COL25A1: variants seen among roughly 807,000 people sequenced by gnomAD.
COL25A1 encodes the protein collagen type XXV alpha 1 chain, also known as collagen alpha-1(XXV) chain.
Under a neutral mutation model 128.4 loss-of-function variants are expected in COL25A1, and 103 were observed. The ratio of observed to expected loss-of-function variants is 0.80; its 90% CI spans 0.68 to 0.94. COL25A1 has a LOEUF of 0.94. Among genes scored for constraint, COL25A1 ranks in the 40% least tolerant of loss-of-function variants. The pLI is 0.00. For missense variants in COL25A1, 745 were observed against 840.0 expected, an observed-to-expected ratio of 0.89 and a Z score of 1.40; for synonymous variants, 279 against 277.2, an observed-to-expected ratio of 1.01 and a Z score of -0.06.
intron 3 of COL25A1, among the ~76,000 whole-genome samples, chr4:109,256,463 G>C (rs17040201): frequency 6.6e-6 from 1 of 152,020 alleles, no homozygotes; most frequent in Admixed American, 6.5e-5. Flanking sequence ...TATCTGAGGG[G>C]TAACTGAATT....
chr4:109,048,271 G>T, intron 4 of COL25A1, 96 bp from the exon 5 acceptor site: 1 of 1,205,514 alleles, frequency 8.3e-7, no homozygotes, highest in Non-Finnish European at 1.2e-6. Flanking sequence ...ATAATCATCA[G>T]CATGACATAA....
intron 3 of COL25A1, among the ~76,000 whole-genome samples, chr4:109,290,910 T>G (rs1456921938): frequency 6.6e-6 from 1 of 152,178 alleles, no homozygotes; most frequent in Non-Finnish European, 1.5e-5. Flanking sequence ...CCTTTCTTAC[T>G]TGTTCAACTT....
intron 13 of COL25A1, among the ~76,000 whole-genome samples, chr4:108,901,458 T>C (rs914520661): frequency 1.5e-4 from 23 of 152,178 alleles, no homozygotes; most frequent in Middle Eastern, 3.4e-3. Flanking sequence ...ATTGTGAACA[T>C]CAAATAAATA....
chr4:109,264,603 G>A (rs963255189), intron 3 of COL25A1, among the ~76,000 whole-genome samples: 3 of 152,212 alleles, frequency 2.0e-5, no homozygotes, highest in Non-Finnish European at 4.4e-5. Context: ...TGGTGTGAAC[G>A]ATGAGCATCA....
At chr4:109,066,173 C>G (rs928525231) in intron 3 of COL25A1, among the ~76,000 whole-genome samples, 3 of 152,058 alleles carry the variant, frequency 2.0e-5, no homozygotes, top group African/African-American at 7.2e-5. Flanking sequence ...AAATGATTAC[C>G]CTAAATCCAG....
At chr4:109,277,822 T>C (rs1304114834) in intron 3 of COL25A1, among the ~76,000 whole-genome samples, 1 of 152,152 alleles carries the variant, frequency 6.6e-6, no homozygotes, top group Non-Finnish European at 1.5e-5. Context: ...AATTTCCCAT[T>C]TCTAGAACTG....
chr4:108,895,501 G>A lies in COL25A1; in HGVS notation c.906+1166C>T, dbSNP rs1378887636. ...TATGAATCCAAGCAAAAGCTATCACGATAGACTGAGGAAAAATAAGAAGAG... is the reference window on the plus strand; with the variant it reads ...TATGAATCCAAGCAAAAGCTATCACAATAGACTGAGGAAAAATAAGAAGAG... On this transcript the variant is annotated intron_variant, in intron 16 of 37. Transcript: ENST00000399132. Among the ~76,000 whole-genome samples, 3 of 152,068 alleles carry A rather than the reference G, an allele frequency of 2.0e-5. No homozygotes were observed. The East Asian group carries it at 5.8e-4, about 29-fold the overall frequency.
intron 20 of COL25A1, 131 bp downstream of exon 20, chr4:108,868,955 AAG>A (rs1279052043): frequency 6.8e-6 from 4 of 588,612 alleles, no homozygotes; most frequent in Non-Finnish European, 1.2e-5. Flanking sequence ...AAAAGAAAGA[AAG>A]AAAAAGGAAA....
intron 16 of COL25A1, among the ~76,000 whole-genome samples, chr4:108,891,049 G>A (rs1169836870): frequency 6.6e-6 from 1 of 152,182 alleles, no homozygotes; most frequent in African/African-American, 2.4e-5. Flanking sequence ...CTGTTAGACA[G>A]TTAGCTACAT....
At chr4:109,158,330 T>C (rs1369418423) in intron 3 of COL25A1, among the ~76,000 whole-genome samples, 1 of 151,700 alleles carries the variant, frequency 6.6e-6, no homozygotes, top group Non-Finnish European at 1.5e-5. Flanking sequence ...AAAAAAAGAC[T>C]AAACATTTTC....
intron 3 of COL25A1, among the ~76,000 whole-genome samples, chr4:109,094,542 G>A (rs1398544299): frequency 3.3e-5 from 5 of 152,054 alleles, no homozygotes; most frequent in Admixed American, 6.6e-5. Context: ...CTTAGGAATC[G>A]TCTACCCCCT....
intron 31 of COL25A1, among the ~76,000 whole-genome samples, chr4:108,840,387 C>T (rs1018401962): frequency 1.3e-5 from 2 of 151,964 alleles, no homozygotes. Context: ...CCAGATAGTA[C>T]TCTTACCCCA....
chr4:109,050,725 C>T (rs983189280), intron 3 of COL25A1, among the ~76,000 whole-genome samples: 21 of 152,182 alleles, frequency 1.4e-4, no homozygotes, highest in Non-Finnish European at 2.8e-4. Flanking sequence ...TTTCACCGAT[C>T]AACAACCACC....
chr4:109,237,429 C>T (rs761133315), intron 3 of COL25A1, among the ~76,000 whole-genome samples: 2 of 151,804 alleles, frequency 1.3e-5, no homozygotes, highest in Non-Finnish European at 1.5e-5. Flanking sequence ...TTAGGGTCCA[C>T]CCAGATGGAA....
intron 3 of COL25A1, among the ~76,000 whole-genome samples, chr4:109,115,652 G>C (rs1767470826): frequency 6.6e-6 from 1 of 152,002 alleles, no homozygotes; most frequent in African/African-American, 2.4e-5. Context: ...TGTACCTTCA[G>C]GAGAAGACTA....
intron 14 of COL25A1, among the ~76,000 whole-genome samples, chr4:108,899,569 G>A (rs1351923457): frequency 3.3e-5 from 5 of 152,078 alleles, no homozygotes; most frequent in African/African-American, 7.2e-5. Context: ...ATGTTTTTCT[G>A]AAAATCCTTT....
chr4:109,222,059 C>CTTTTTTTTTTTTT (rs3041336), intron 3 of COL25A1, among the ~76,000 whole-genome samples: 4 of 85,764 alleles, frequency 4.7e-5, no homozygotes, highest in Admixed American at 1.5e-4. Context: ...TAAATAACTT[C>CTTTTTTTTTTTTT]TTTTTTTTTT....
At chr4:108,907,588 A>C (rs766467305) in intron 13 of COL25A1, among the ~76,000 whole-genome samples, 2 of 152,216 alleles carry the variant, frequency 1.3e-5, no homozygotes, top group Non-Finnish European at 2.9e-5. Flanking sequence ...AAAGGAGCCA[A>C]GCCAGTCATT....
At chr4:108,926,572 C>T (rs1305193146) in intron 11 of COL25A1, among the ~76,000 whole-genome samples, 2 of 152,056 alleles carry the variant, frequency 1.3e-5, no homozygotes. Context: ...AGTCATAAAA[C>T]ATTAGTACCA....
Sources: gnomAD v4.1 joint callset for allele counts (sites outside exome capture counted in the v4.1 genomes callset) on GRCh38, gnomAD v4.1.1 for gene constraint, MANE v1.5 for transcripts, NCBI Gene and HGNC (gene_info 2026-07-23, HGNC 2026-07-21) for gene names.